PTGR2: variants seen among roughly 807,000 people sequenced by gnomAD.
PTGR2 encodes the protein prostaglandin reductase 2.
A neutral mutation model predicts 43.4 loss-of-function variants in PTGR2; 32 were observed. The ratio of observed to expected loss-of-function variants is 0.74; its 90% CI spans 0.56 to 0.99. PTGR2 has a LOEUF of 0.99. Among genes scored for constraint, PTGR2 ranks in the 50% least tolerant of loss-of-function variants. The pLI is 0.00. For missense variants in PTGR2, 373 were observed against 420.0 expected, an observed-to-expected ratio of 0.89 and a Z score of 0.98; for synonymous variants, 106 against 139.2, an observed-to-expected ratio of 0.76 and a Z score of 1.68.
At chr14:73,882,318 C>A in intron 8 of PTGR2, 81 bp from the exon 9 acceptor site, 2 of 871,530 alleles carry the variant, frequency 2.3e-6, no homozygotes, top group Non-Finnish European at 3.7e-6. Flanking sequence ...AATAGTATTG[C>A]TGGCTTTTGT....
At chr14:73,862,575 C>T (rs2054518023) in intron 3 of PTGR2, among the ~76,000 whole-genome samples, 1 of 152,058 alleles carries the variant, frequency 6.6e-6, no homozygotes, top group African/African-American at 2.4e-5. Flanking sequence ...AGTGCCCGTA[C>T]AAAGGATCGC....
chr14:73,884,708 T>C lies in PTGR2; in HGVS notation c.*531T>C, dbSNP rs2055084755. On this transcript the variant is annotated 3_prime_UTR_variant, in exon 10 of 10. Transcript: ENST00000555661. ...AATGGTATGATGTGTACATAGGGAC[T>C]GGGGGCAGGATTGGGGGTTTCGGAG... The C allele has an allele frequency of 6.6e-6, 1 of 151,908 alleles. No homozygotes were observed. Among genetic ancestry groups the C allele is most frequent in the African/African-American group, 2.4e-5 (1 of 41,250 alleles). 9.4% of individuals were successfully genotyped at this position (151,908 alleles called of 1,614,324 possible). A position where few individuals can be genotyped will look rare whatever the true frequency, so the allele number is the denominator to read the frequency against.
intron 3 of PTGR2, 21 bp from the exon 4 acceptor site, chr14:73,874,002 C>G (rs749321301): frequency 6.5e-7 from 1 of 1,545,008 alleles, no homozygotes; most frequent in Admixed American, 2.1e-5. Context: ...ATAAAATTAT[C>G]TTAATGTTTT....
intron 4 of PTGR2, among the ~76,000 whole-genome samples, chr14:73,875,592 C>T (rs2140266991): frequency 6.6e-6 from 1 of 150,512 alleles, no homozygotes; most frequent in South Asian, 2.1e-4. Context: ...GATCCACCCG[C>T]CTTGGCCTCC....
rs751902006 is a variant in PTGR2 at position 73,858,919 on chromosome 14, G to T, written c.37+20G>T. ...GACCTGGTATGTATTTGCGATGAAT[G>T]AACAACTCTGATCTTTGATAAGTAT... On this transcript the variant is annotated intron_variant, in intron 2 of 9. Transcript: ENST00000555661. 9 of 1,589,858 alleles carry T rather than the reference G, an allele frequency of 5.7e-6. No individual in the cohort carries two copies. Among genetic ancestry groups the T allele is most frequent in the African/African-American group, 1.3e-5 (1 of 74,220 alleles).
Position 73,872,381 on chromosome 14 carries a change from T to G in PTGR2, c.157-1642T>G, listed in dbSNP as rs374416065. Among the ~76,000 whole-genome samples the G allele has an allele frequency of 9.6e-4, 147 of 152,358 alleles. 2 individuals are homozygous for G. The highest frequency in any genetic ancestry group is 3.4e-3 in the African/African-American group (142 of 41,588). ...AAAAGAAATCAAGTTTTATGGTGTA[T>G]ATGTTGCTAGTTTGTTTTCCATAAA... On this transcript the variant is annotated intron_variant, in intron 3 of 9. Coordinates refer to ENST00000555661, the MANE Select transcript of PTGR2 (RefSeq NM_001146154.2).
intron 7 of PTGR2, among the ~76,000 whole-genome samples, chr14:73,880,905 T>C (rs1488213244): frequency 6.6e-6 from 1 of 152,170 alleles, no homozygotes. Context: ...CAAGCGATTC[T>C]CCTGTCTCAG....
chr14:73,869,573 CAAA>C (rs34798468), intron 3 of PTGR2, among the ~76,000 whole-genome samples: 6 of 101,208 alleles, frequency 5.9e-5, no homozygotes, highest in Non-Finnish European at 6.0e-5. Context: ...GACCGTGCCT[CAAA>C]AAAAAAAAAA....
rs781346045 is a variant in PTGR2 at position 73,860,697 on chromosome 14, T to G, written c.156+40T>G. Reference sequence around the variant, plus strand: ...GTTGTAACTTGGTGAAAAATAACTTTATTTTATTATTTTTCATGTTGTATC... The same window carrying G: ...GTTGTAACTTGGTGAAAAATAACTTGATTTTATTATTTTTCATGTTGTATC... On this transcript the variant is annotated intron_variant, in intron 3 of 9. Coordinates refer to ENST00000555661, the MANE Select transcript of PTGR2 (RefSeq NM_001146154.2). 5.3e-6 allele frequency: 5 copies of G among 936,364 alleles called. No individual in the cohort carries two copies. The East Asian group carries it at 1.2e-4, about 23-fold the overall frequency. 58.0% of individuals were successfully genotyped at this position (936,364 alleles called of 1,614,324 possible).
chr14:73,871,305 A>G (rs2054720556), intron 3 of PTGR2, among the ~76,000 whole-genome samples: 1 of 137,622 alleles, frequency 7.3e-6, no homozygotes, highest in South Asian at 2.3e-4. Context: ...TTCCCATATA[A>G]CTTACCCCAT....
Position 73,884,127 on chromosome 14 carries a change from G to C in PTGR2, c.1006G>C (p.Gly336Arg). The change falls in exon 10 of 10, where the codon GGT (glycine) becomes CGT (arginine). Residue 336 changes from glycine (G) to arginine (R), a missense_variant. By Grantham distance (125) the Gly-to-Arg change is moderately radical. Coordinates refer to ENST00000555661, the MANE Select transcript of PTGR2 (RefSeq NM_001146154.2). ...TGCATTCCAGTCCATGATGACAGGA[G>C]GTAACATTGGAAAGCAGATAGTTTG... is the stretch of plus-strand genomic sequence containing the variant. ...GAAFQSMMTG[G>R]NIGKQIVCIS... 6.2e-7 allele frequency: 1 copy of C among 1,607,610 alleles called. No individual in the cohort carries two copies. The highest frequency in any genetic ancestry group is 8.5e-7 in the Non-Finnish European group (1 of 1,177,016).
At chr14:73,873,199 C>A (rs532634087) in intron 3 of PTGR2, among the ~76,000 whole-genome samples, 1 of 151,614 alleles carries the variant, frequency 6.6e-6, no homozygotes, top group East Asian at 2.0e-4. Flanking sequence ...CCCAGCTACT[C>A]GGGAGGCTGA....
At chr14:73,874,892 G>A (rs551874639) in intron 4 of PTGR2, among the ~76,000 whole-genome samples, 4 of 152,036 alleles carry the variant, frequency 2.6e-5, no homozygotes, top group Admixed American at 1.3e-4. Flanking sequence ...ATTTAGAGAC[G>A]GCGTCTCACT....
At chr14:73,881,426 T>C (rs988188742) in intron 8 of PTGR2, 134 bp downstream of exon 8, 8 of 545,652 alleles carry the variant, frequency 1.5e-5, no homozygotes, top group Admixed American at 3.0e-5. Flanking sequence ...CTGAATATTA[T>C]AAATTAACTC....
Position 73,881,295 on chromosome 14 carries a change from A to C in PTGR2, c.939+3A>C. On this transcript the variant is annotated splice_donor_region_variant and intron_variant, in intron 8 of 9. Transcript: ENST00000555661. ...GGTTTAAAGAAGGAAAGCTAAAGGT[A>C]GAACTTCTATTCTTTATCAATATAA... is the stretch of plus-strand genomic sequence containing the variant. 1.3e-6 allele frequency: 2 copies of C among 1,547,640 alleles called. No individual in the cohort carries two copies. The highest frequency in any genetic ancestry group is 1.8e-6 in the Non-Finnish European group (2 of 1,120,218).
At chr14:73,874,243 T>G in intron 4 of PTGR2, 29 bp downstream of exon 4, 1 of 1,487,796 alleles carries the variant, frequency 6.7e-7, no homozygotes, top group Non-Finnish European at 9.2e-7. Flanking sequence ...TATCTGATTT[T>G]TTTTCCCCGT....
chr14:73,881,091 G>GT (rs1241451627), intron 7 of PTGR2, 114 bp from the exon 8 acceptor site: 12 of 656,082 alleles, frequency 1.8e-5, no homozygotes, highest in Non-Finnish European at 3.1e-5. Context: ...GACTCAATGT[G>GT]TTATGTCCTA....
intron 3 of PTGR2, among the ~76,000 whole-genome samples, chr14:73,866,285 T>G (rs1291032477): frequency 6.6e-6 from 1 of 152,132 alleles, no homozygotes; most frequent in Non-Finnish European, 1.5e-5. Context: ...ATTACAGGCA[T>G]GAGCTACTAT....
At position 73,877,049 on chromosome 14, in the gene PTGR2, G is replaced by A. The variant is rs759271814; in HGVS notation, c.400G>A (p.Gly134Ser). 2.5e-6 allele frequency: 4 copies of A among 1,613,854 alleles called. No homozygotes were observed. Among genetic ancestry groups the A allele is most frequent in the Admixed American group, 3.3e-5 (2 of 59,994 alleles). Residue 134 changes from glycine (G) to serine (S), a missense_variant, in exon 5 of 10, where the codon GGT (glycine) becomes AGT (serine). By Grantham distance (56) the Gly-to-Ser change is moderately conservative (BLOSUM62 0). Coordinates refer to ENST00000555661, the MANE Select transcript of PTGR2 (RefSeq NM_001146154.2). ...GHLSYFLGAIGMPGLTSLIGI... is the reference protein window; with the variant it reads ...GHLSYFLGAISMPGLTSLIGI... Reference sequence around the variant, plus strand: ...CCTTTCATATTTTCTTGGAGCTATAGGTATGCCTGGTTTGACTTCCTTGAT... The same window carrying A: ...CCTTTCATATTTTCTTGGAGCTATAAGTATGCCTGGTTTGACTTCCTTGAT...
Sources: allele counts gnomAD v4.1 joint callset (sites outside exome capture counted in the v4.1 genomes callset), GRCh38; gene constraint gnomAD v4.1.1; transcripts MANE v1.5; gene names NCBI Gene and HGNC (gene_info 2026-07-23, HGNC 2026-07-21).